IL1RAPL2: variants seen among roughly 807,000 people sequenced by gnomAD.
IL1RAPL2 encodes interleukin 1 receptor accessory protein like 2, also known as X-linked interleukin-1 receptor accessory protein-like 2.
IL1RAPL2 carries 3 observed loss-of-function variants against 44.1 expected under a neutral mutation model. That is an observed-to-expected ratio of 0.07 (90% CI 0.03 to 0.18). The LOEUF (loss-of-function observed/expected upper bound fraction) is 0.18. IL1RAPL2 is among the 10% of genes least tolerant of loss of function. IL1RAPL2 has a pLI of 1.00. For missense variants in IL1RAPL2, 391 were observed against 496.4 expected (o/e 0.79, Z 2.02); for synonymous variants, 181 against 178.8 (o/e 1.01, Z -0.10).
chrX:104,585,259 A>AT (rs1165895451), intron 1 of IL1RAPL2, among the ~76,000 whole-genome samples: 12 of 27,860 alleles, frequency 4.3e-4, no homozygotes, highest in African/African-American at 3.0e-3. Flanking sequence ...TATATAATAT[A>AT]TATATAATAT....
chrX:105,081,375 TA>T (rs2032404150), intron 2 of IL1RAPL2, among the ~76,000 whole-genome samples: 1 of 111,260 alleles, frequency 9.0e-6, no homozygotes, highest in Non-Finnish European at 1.9e-5. Context: ...GGGTAATAAT[TA>T]TTTTCTTCCT....
chrX:104,890,107 T>C (rs775577673), intron 2 of IL1RAPL2, among the ~76,000 whole-genome samples: 63 of 111,815 alleles, frequency 5.6e-4, no homozygotes, highest in Non-Finnish European at 8.1e-4. Context: ...GCTTCATCCA[T>C]GTCCCTACAA....
At chrX:105,715,304 A>C (rs190904877) in intron 6 of IL1RAPL2, among the ~76,000 whole-genome samples, 2 of 112,195 alleles carry the variant, frequency 1.8e-5, no homozygotes, top group Non-Finnish European at 3.8e-5. Flanking sequence ...ATACATTAAC[A>C]GTAACATTAA....
At chrX:105,051,703 T>G (rs1025925527) in intron 2 of IL1RAPL2, among the ~76,000 whole-genome samples, 1 of 112,601 alleles carries the variant, frequency 8.9e-6, no homozygotes, top group African/African-American at 3.2e-5. Context: ...CTGCATGGAG[T>G]GTGCAGCTCC....
intron 2 of IL1RAPL2, among the ~76,000 whole-genome samples, chrX:104,727,919 G>A (rs755309148): frequency 2.5e-4 from 28 of 110,132 alleles, no homozygotes; most frequent in African/African-American, 8.5e-4. Context: ...GTATACATGG[G>A]CATAGCAAGT....
At chrX:105,696,543 C>G (rs182931962) in intron 6 of IL1RAPL2, among the ~76,000 whole-genome samples, 1 of 111,309 alleles carries the variant, frequency 9.0e-6, no homozygotes, top group Admixed American at 9.5e-5. Context: ...CACATCCACC[C>G]CCCCCACAAA....
At chrX:105,696,578 A>G (rs1197254072) in intron 6 of IL1RAPL2, among the ~76,000 whole-genome samples, 1 of 111,829 alleles carries the variant, frequency 8.9e-6, no homozygotes, top group Non-Finnish European at 1.9e-5. Flanking sequence ...GGGACTAGAA[A>G]AAATTAGAGT....
intron 4 of IL1RAPL2, among the ~76,000 whole-genome samples, chrX:105,254,259 T>C (rs1206920485): frequency 8.9e-6 from 1 of 112,130 alleles, no homozygotes; most frequent in Admixed American, 9.4e-5. Context: ...TAGTATGAGA[T>C]AGTATTTCAT....
chrX:104,880,387 A>G (rs1232115855), intron 2 of IL1RAPL2, among the ~76,000 whole-genome samples: 1 of 111,809 alleles, frequency 8.9e-6, no homozygotes, highest in African/African-American at 3.2e-5. Context: ...TCCCATAAGC[A>G]TATAGCCTCT....
intron 2 of IL1RAPL2, among the ~76,000 whole-genome samples, chrX:104,885,375 C>A (rs1923204353): frequency 9.0e-6 from 1 of 110,933 alleles, no homozygotes; most frequent in Non-Finnish European, 1.9e-5. Context: ...TAGGAAAAAG[C>A]CCATGAATTA....
chrX:105,314,305 AT>A (rs1413475726), intron 5 of IL1RAPL2, among the ~76,000 whole-genome samples: 1 of 110,454 alleles, frequency 9.1e-6, no homozygotes, highest in Non-Finnish European at 1.9e-5. Flanking sequence ...AATCACTAAT[AT>A]TGGTGGTATT....
chrX:104,963,009 G>C (rs1370534727), intron 2 of IL1RAPL2, among the ~76,000 whole-genome samples: 3 of 111,929 alleles, frequency 2.7e-5, no homozygotes, highest in Admixed American at 1.9e-4. Context: ...ATCCCTGAGA[G>C]GGGCTAATAG....
chrX:105,689,344 A>G (rs1336106754), intron 6 of IL1RAPL2, among the ~76,000 whole-genome samples: 2 of 112,217 alleles, frequency 1.8e-5, no homozygotes, highest in Non-Finnish European at 3.8e-5. Context: ...GCTAATATCC[A>G]GAATCTACAA....
At chrX:104,915,136 G>A (rs1221912854) in intron 2 of IL1RAPL2, among the ~76,000 whole-genome samples, 4 of 111,602 alleles carry the variant, frequency 3.6e-5, no homozygotes, top group Non-Finnish European at 5.7e-5. Context: ...CCGAGGAATC[G>A]CCACACTGAC....
chrX:105,219,507 C>G lies in IL1RAPL2; in HGVS notation c.357-14311C>G, dbSNP rs781880944. ...TGGTCTCCATGGAGGCAGCCCTGGC[C>G]TCCACGTGGGGGAACTGGGTCTCCA... On this transcript the variant is annotated intron_variant, in intron 3 of 10. Coordinates refer to ENST00000372582, the MANE Select transcript of IL1RAPL2 (RefSeq NM_017416.2). 5.7e-5 allele frequency: 69 copies of G among 1,207,466 alleles called. No individual in the cohort carries two copies. The South Asian group carries it at 1.1e-3, about 19-fold the overall frequency.
At chrX:105,098,163 T>C (rs1488150594) in intron 2 of IL1RAPL2, among the ~76,000 whole-genome samples, 1 of 112,301 alleles carries the variant, frequency 8.9e-6, no homozygotes, top group Non-Finnish European at 1.9e-5. Flanking sequence ...ATGTCCTTTT[T>C]ATAGCTGGCC....
In IL1RAPL2 at chrX:104,833,247, C is replaced by T. The variant is rs943565372; in HGVS notation, c.82+174252C>T. Among the ~76,000 whole-genome samples, 13 of 111,005 alleles carry T rather than the reference C, an allele frequency of 1.2e-4. 1 individual carries two copies. The highest frequency in any genetic ancestry group is 1.2e-3 in the Admixed American group (12 of 10,293). On this transcript the variant is annotated intron_variant, in intron 2 of 10. Transcript: ENST00000372582. ...CTCAATCTCCTGGGCTCAAGTGATC[C>T]TCCCACCTCAGCCTCCCATGTAGGT...
Position 105,250,035 on chromosome X carries a change from GA to G in IL1RAPL2, c.543+16032del, listed in dbSNP as rs774275275. 2.7e-5 allele frequency among the ~76,000 whole-genome samples: 3 copies of G among 111,095 alleles called. No homozygotes were observed. The East Asian group carries it at 8.4e-4, about 31-fold the overall frequency. ...ATATTATTCAGATATGAGAAAAAAT[GA>G]TATATCAAATCATAAAAAGACATGG... On this transcript the variant is annotated intron_variant, in intron 4 of 10. Transcript: ENST00000372582.
At chrX:105,144,674 T>C (rs1405512878) in intron 2 of IL1RAPL2, among the ~76,000 whole-genome samples, 1 of 111,771 alleles carries the variant, frequency 8.9e-6, no homozygotes, top group Non-Finnish European at 1.9e-5. Context: ...TCACAGTGTT[T>C]CCTGTATCTG....
Sources: gnomAD v4.1 joint callset for allele counts (sites outside exome capture counted in the v4.1 genomes callset) on GRCh38, gnomAD v4.1.1 for gene constraint, MANE v1.5 for transcripts, NCBI Gene and HGNC (gene_info 2026-07-23, HGNC 2026-07-21) for gene names.